SNTG1: variants seen among roughly 807,000 people sequenced by gnomAD.
SNTG1 encodes syntrophin gamma 1, also known as gamma-1-syntrophin.
Under a neutral mutation model 74.7 loss-of-function variants are expected in SNTG1, and 39 were observed. The ratio of observed to expected loss-of-function variants is 0.52; its 90% CI spans 0.40 to 0.68. The LOEUF is 0.68. Among genes scored for constraint, SNTG1 ranks in the 30% least tolerant of loss-of-function variants. SNTG1 has a pLI of 0.00. For synonymous variants in SNTG1, 254 were observed against 217.1 expected (o/e 1.17, Z -1.49); for missense variants, 685 against 609.5 (o/e 1.12, Z -1.30).
chr8:50,488,820 C>T (rs975434615), intron 8 of SNTG1, among the ~76,000 whole-genome samples: 2 of 152,130 alleles, frequency 1.3e-5, no homozygotes, highest in African/African-American at 4.8e-5. Flanking sequence ...GATAAATGTG[C>T]AGAACGCGCA....
intron 8 of SNTG1, among the ~76,000 whole-genome samples, chr8:50,460,214 T>C (rs1294926394): frequency 6.6e-6 from 1 of 152,198 alleles, no homozygotes; most frequent in African/African-American, 2.4e-5. Context: ...TGATTTTAAT[T>C]TACATTTCTT....
chr8:49,985,322 A>T (rs982679339), intron 1 of SNTG1, among the ~76,000 whole-genome samples: 1 of 151,982 alleles, frequency 6.6e-6, no homozygotes, highest in African/African-American at 2.4e-5. Flanking sequence ...AGAGAGATGG[A>T]GTTTCACCGT....
intron 15 of SNTG1, among the ~76,000 whole-genome samples, chr8:50,675,956 G>A (rs1307754518): frequency 6.6e-6 from 1 of 151,200 alleles, no homozygotes; most frequent in Admixed American, 6.6e-5. Context: ...TTGAATATTG[G>A]TTCCCAATCT....
chr8:50,383,529 C>G (rs779981124), intron 2 of SNTG1, among the ~76,000 whole-genome samples: 19 of 152,074 alleles, frequency 1.2e-4, no homozygotes. Flanking sequence ...CAATTACAGT[C>G]CTCATTTTTG....
intron 2 of SNTG1, among the ~76,000 whole-genome samples, chr8:50,256,298 G>C (rs867569340): frequency 1.3e-5 from 2 of 151,850 alleles, no homozygotes; most frequent in Non-Finnish European, 2.9e-5. Context: ...TTTTCTTTAA[G>C]AGATGAAAAA....
intron 8 of SNTG1, among the ~76,000 whole-genome samples, chr8:50,483,841 A>G (rs952240112): frequency 7.2e-5 from 11 of 152,194 alleles, no homozygotes; most frequent in African/African-American, 2.7e-4. Context: ...GAAATAACCT[A>G]TACAAAATTC....
intron 1 of SNTG1, among the ~76,000 whole-genome samples, chr8:49,938,468 C>T (rs1808287796): frequency 6.6e-6 from 1 of 152,130 alleles, no homozygotes; most frequent in African/African-American, 2.4e-5. Flanking sequence ...AAATTAATTG[C>T]AGGGCTATAC....
chr8:50,711,126 T>G (rs1286797615), intron 17 of SNTG1, among the ~76,000 whole-genome samples: 3 of 152,138 alleles, frequency 2.0e-5, no homozygotes, highest in Non-Finnish European at 4.4e-5. Context: ...TGCAAGAAAC[T>G]TGCACCCCTT....
chr8:50,622,971 T>C (rs2094932967), intron 13 of SNTG1, among the ~76,000 whole-genome samples: 2 of 152,164 alleles, frequency 1.3e-5, no homozygotes, highest in Admixed American at 1.3e-4. Flanking sequence ...TTTAAAAATT[T>C]ATTTTTAATG....
At chr8:50,775,984 A>T (rs2095639647) in intron 18 of SNTG1, among the ~76,000 whole-genome samples, 1 of 151,538 alleles carries the variant, frequency 6.6e-6, no homozygotes. Flanking sequence ...ATATAACTAT[A>T]TCATTATATT....
intron 1 of SNTG1, among the ~76,000 whole-genome samples, chr8:50,107,633 C>G (rs2080426173): frequency 1.3e-5 from 2 of 151,874 alleles, no homozygotes; most frequent in South Asian, 4.1e-4. Context: ...TCACTGAAAC[C>G]TCTGCTTCCT....
chr8:50,747,612 T>G lies in SNTG1; in HGVS notation c.1285-4389T>G, dbSNP rs561677706. ...ATATAATCTCCATGTCGAATTTTCC[T>G]TTTACCTCTGTTACTTTAATTCTTA... is the stretch of plus-strand genomic sequence containing the variant. On this transcript the variant is annotated intron_variant, in intron 17 of 18. Transcript: ENST00000642720. 2.6e-5 allele frequency among the ~76,000 whole-genome samples: 4 copies of G among 152,182 alleles called. No homozygotes were observed. The South Asian group carries it at 8.3e-4, about 32-fold the overall frequency.
chr8:50,434,872 A>C (rs2093284067), intron 4 of SNTG1, among the ~76,000 whole-genome samples: 1 of 152,130 alleles, frequency 6.6e-6, no homozygotes, highest in Non-Finnish European at 1.5e-5. Flanking sequence ...TGTAACACAA[A>C]ATTAATACAA....
intron 9 of SNTG1, among the ~76,000 whole-genome samples, chr8:50,508,888 G>T (rs139090719): frequency 0.14 from 20,647 of 152,040 alleles, 1,492 homozygotes; most frequent in African/African-American, 0.17. Context: ...CACTCTGATG[G>T]TGGTTTCTTT....
chr8:50,147,194 TA>T (rs1159098393), intron 1 of SNTG1, among the ~76,000 whole-genome samples: 1 of 152,204 alleles, frequency 6.6e-6, no homozygotes, highest in Admixed American at 6.5e-5. Context: ...AAGAGTCATC[TA>T]GTAAATTTGA....
intron 11 of SNTG1, among the ~76,000 whole-genome samples, chr8:50,543,363 T>G (rs2094362157): frequency 6.6e-6 from 1 of 152,170 alleles, no homozygotes; most frequent in Admixed American, 6.5e-5. Flanking sequence ...CCACCTTTGT[T>G]GAATGTGAGT....
rs535837115 is a variant in SNTG1, at chr8:50,605,246, G to C, written c.849+14329G>C. Among the ~76,000 whole-genome samples, 8 of 151,166 alleles carry C rather than the reference G, an allele frequency of 5.3e-5. No individual in the cohort carries two copies. In the South Asian group the frequency reaches 1.5e-3, roughly 28 times the overall value. On this transcript the variant is annotated intron_variant, in intron 13 of 18. Transcript: ENST00000642720. ...GTGCAAGCCCTCCCTTAGCTGCCTT[G>C]GCTGGTATCTCCCTAGGTCAGGTGT...
At chr8:50,061,728 T>C (rs1820489533) in intron 1 of SNTG1, among the ~76,000 whole-genome samples, 3 of 152,202 alleles carry the variant, frequency 2.0e-5, no homozygotes, top group South Asian at 2.1e-4. Flanking sequence ...ATTTCCTTTA[T>C]CATCTTGCAT....
intron 1 of SNTG1, chr8:50,164,092 C>CTTTTTTTTTTT (rs3086088): frequency 1.4e-4 from 10 of 71,982 alleles, no homozygotes; most frequent in East Asian, 5.8e-4. Flanking sequence ...GACACAATTT[C>CTTTTTTTTTTT]TTTTTTTTTT....
Sources: gnomAD v4.1 joint callset for allele counts (sites outside exome capture counted in the v4.1 genomes callset) on GRCh38, gnomAD v4.1.1 for gene constraint, MANE v1.5 for transcripts, NCBI Gene and HGNC (gene_info 2026-07-23, HGNC 2026-07-21) for gene names.